Variants in TMEM272 observed in about 807,000 individuals in gnomAD.
TMEM272 encodes long intergenic non-protein coding RNA 282.
Under a neutral mutation model 3.7 loss-of-function variants are expected in TMEM272, and 8 were observed. The observed-to-expected ratio is 2.17, with a 90% CI of 1.27 to 3.91. TMEM272 has a LOEUF of 3.91. Ranked by LOEUF, TMEM272 falls within the 30% of genes most tolerant of loss-of-function variation. TMEM272 has a pLI of 0.00. For missense variants in TMEM272, 166 were observed against 91.5 expected (o/e 1.81, Z -3.32); for synonymous variants, 63 against 39.8 (o/e 1.58, Z -2.20).
chr13:51,865,305 G>GAT, the TMEM272 span: 1 of 1,265,370 alleles, frequency 7.9e-7, no homozygotes, highest in African/African-American at 1.5e-5. Context: ...GATACTCATA[G>GAT]ATCTGTCTTT....
At chr13:51,908,537 T>G in the TMEM272 span, 1 of 1,466,726 alleles carries the variant, frequency 6.8e-7, no homozygotes, top group Non-Finnish European at 9.5e-7. Context: ...GACCTCTGAT[T>G]GAAGCAAGAG....
chr13:51,817,828 T>C (rs976240493), intron 4 of TMEM272, among the ~76,000 whole-genome samples: 2 of 152,168 alleles, frequency 1.3e-5, no homozygotes, highest in Non-Finnish European at 2.9e-5. Context: ...CCCTGGTAGA[T>C]GGTCCCTGAC....
chr13:51,901,650 T>G, the TMEM272 span, among the ~76,000 whole-genome samples: 2 of 152,124 alleles, frequency 1.3e-5, no homozygotes, highest in African/African-American at 4.8e-5. Context: ...CCTCCCCCAG[T>G]GCCCACTCCA....
At chr13:51,840,777 T>C (rs1032608927) in intron 1 of TMEM272, among the ~76,000 whole-genome samples, 11 of 152,244 alleles carry the variant, frequency 7.2e-5, no homozygotes, top group Non-Finnish European at 1.6e-4. Flanking sequence ...AAGGCTCCAT[T>C]TTCCCCCACA....
At chr13:51,869,780 G>T in the TMEM272 span, among the ~76,000 whole-genome samples, 3 of 152,120 alleles carry the variant, frequency 2.0e-5, no homozygotes, top group African/African-American at 7.2e-5. Flanking sequence ...AAGCCACCGC[G>T]CCTGGCCTCA....
the TMEM272 span, among the ~76,000 whole-genome samples, chr13:51,877,048 A>G: frequency 6.6e-6 from 1 of 152,196 alleles, no homozygotes; most frequent in African/African-American, 2.4e-5. Flanking sequence ...AAAACTTGAC[A>G]CTCACCAGTG....
chr13:51,928,339 C>T, the TMEM272 span, among the ~76,000 whole-genome samples: 1 of 152,156 alleles, frequency 6.6e-6, no homozygotes, highest in East Asian at 1.9e-4. Flanking sequence ...TGACAACAGC[C>T]GCTAGCATTT....
the TMEM272 span, among the ~76,000 whole-genome samples, chr13:51,861,287 C>T: frequency 6.6e-6 from 1 of 152,020 alleles, no homozygotes; most frequent in South Asian, 2.1e-4. Flanking sequence ...TAAGGTACAA[C>T]ATGAGGACTG....
upstream of TMEM272, among the ~76,000 whole-genome samples, chr13:51,846,991 A>G (rs186014899): frequency 6.6e-6 from 1 of 152,326 alleles, no homozygotes; most frequent in East Asian, 1.9e-4. Context: ...CATCCAGAGC[A>G]ACTTCCAGTC....
the TMEM272 span, among the ~76,000 whole-genome samples, chr13:51,895,327 AGCT>A: frequency 2.0e-5 from 3 of 152,192 alleles, no homozygotes; most frequent in Non-Finnish European, 4.4e-5. Context: ...TGTCCTCTTC[AGCT>A]GCCATTGTGG....
chr13:51,842,536 G>A (rs1050587430), intron 1 of TMEM272, among the ~76,000 whole-genome samples: 5 of 152,124 alleles, frequency 3.3e-5, no homozygotes, highest in Non-Finnish European at 7.4e-5. Context: ...TTACAAAAGC[G>A]AATTCACAGA....
chr13:51,851,451 A>ATTT, the TMEM272 span, among the ~76,000 whole-genome samples: 134 of 142,686 alleles, frequency 9.4e-4, 1 homozygote, highest in African/African-American at 2.6e-3. Flanking sequence ...ATTTGTAGTC[A>ATTT]TTTTTTTTTT....
upstream of TMEM272, among the ~76,000 whole-genome samples, chr13:51,848,199 C>T (rs996169296): frequency 1.3e-5 from 2 of 152,116 alleles, no homozygotes; most frequent in African/African-American, 4.8e-5. Flanking sequence ...CAGTTGCTAA[C>T]CCTAGAGATG....
At chr13:51,836,998 C>T (rs895170451) in intron 2 of TMEM272, among the ~76,000 whole-genome samples, 3 of 152,190 alleles carry the variant, frequency 2.0e-5, no homozygotes, top group African/African-American at 7.2e-5. Context: ...CAGTGAAGGA[C>T]CTCCCCAGAG....
At chr13:51,822,389 C>A (rs1431525108) in intron 3 of TMEM272, among the ~76,000 whole-genome samples, 3 of 152,110 alleles carry the variant, frequency 2.0e-5, no homozygotes, top group Admixed American at 6.5e-5. Flanking sequence ...TGTCGCTGCA[C>A]CTTTTTTCTG....
the TMEM272 span, among the ~76,000 whole-genome samples, chr13:51,917,447 C>T: frequency 6.6e-6 from 1 of 152,076 alleles, no homozygotes; most frequent in African/African-American, 2.4e-5. Context: ...GGACAGGCAC[C>T]CCTAGGTTCC....
intron 4 of TMEM272, among the ~76,000 whole-genome samples, chr13:51,821,498 C>A (rs1205918655): frequency 6.6e-6 from 1 of 152,094 alleles, no homozygotes; most frequent in Non-Finnish European, 1.5e-5. Context: ...AGCACTCCTA[C>A]CTCAGGCATA....
the TMEM272 span, among the ~76,000 whole-genome samples, chr13:51,890,415 T>A: frequency 6.6e-6 from 1 of 152,100 alleles, no homozygotes; most frequent in Non-Finnish European, 1.5e-5. Context: ...CTCCCTCTCT[T>A]GCTTCCTCTC....
At chr13:51,890,993 C>T in the TMEM272 span, among the ~76,000 whole-genome samples, 1 of 152,162 alleles carries the variant, frequency 6.6e-6, no homozygotes, top group Non-Finnish European at 1.5e-5. Flanking sequence ...TTTGGGTGAA[C>T]ATGAGGGCCC....
Sources: gnomAD v4.1 joint callset for allele counts (sites outside exome capture counted in the v4.1 genomes callset) on GRCh38, gnomAD v4.1.1 for gene constraint, MANE v1.5 for transcripts, NCBI Gene and HGNC (gene_info 2026-07-23, HGNC 2026-07-21) for gene names.